Variants in B3GAT1 observed in about 807,000 individuals in gnomAD.
The protein encoded by B3GAT1 is galactosylgalactosylxylosylprotein 3-beta-glucuronosyltransferase 1.
In B3GAT1, 11 loss-of-function variants were observed where a neutral mutation model predicts 28.4. The ratio of observed to expected loss-of-function variants is 0.39; its 90% CI spans 0.24 to 0.64. B3GAT1 has a LOEUF of 0.64. B3GAT1 is among the 30% of genes least tolerant of loss of function. B3GAT1 has a pLI of 0.50. For synonymous variants in B3GAT1, 255 were observed against 223.1 expected (o/e 1.14, Z -1.27); for missense variants, 375 against 491.0 (o/e 0.76, Z 2.23).
chr11:134,410,812 CG>C, intron 1 of B3GAT1, among the ~76,000 whole-genome samples: 1 of 152,228 alleles, frequency 6.6e-6, no homozygotes, highest in Non-Finnish European at 1.5e-5. Context: ...CTAGGCCCTA[CG>C]ACATCCGTAC....
At position 134,387,750 on chromosome 11, in the gene B3GAT1, A is replaced by T; in HGVS notation, c.-91T>A. ...GCCACGGGCGGCGGCAGCACAGGGG[A>T]GAAAAGAACAGGCATGGGCCGGGCC... On this transcript the variant is annotated 5_prime_UTR_variant, in exon 2 of 6. Coordinates refer to ENST00000312527, the MANE Select transcript of B3GAT1 (RefSeq NM_054025.3). 6.4e-7 allele frequency: 1 copy of T among 1,573,532 alleles called. No individual in the cohort carries two copies. The highest frequency in any genetic ancestry group is 1.2e-5 in the South Asian group (1 of 86,660).
chr11:134,393,089 G>A lies in B3GAT1; in HGVS notation c.-281-5149C>T, dbSNP rs1282292107. Among the ~76,000 whole-genome samples, 2 of 152,192 alleles carry A rather than the reference G, an allele frequency of 1.3e-5. No homozygotes were observed. The highest frequency in any genetic ancestry group is 2.1e-4 in the South Asian group (1 of 4,826). On this transcript the variant is annotated intron_variant, in intron 1 of 5. Coordinates refer to ENST00000312527, the MANE Select transcript of B3GAT1 (RefSeq NM_054025.3). This position sits in a 1 kb window ranked among gnomAD's most constrained non-coding sequence, Gnocchi z 4.0. ...AAAATGTTCCCAAAGGCCTGCATGCGTGTGCGTGGTAGGTTACAAACAAGC... is the reference window on the plus strand; with the variant it reads ...AAAATGTTCCCAAAGGCCTGCATGCATGTGCGTGGTAGGTTACAAACAAGC...
At chr11:134,383,586 T>TG in intron 3 of B3GAT1, 94 bp downstream of exon 3, 2 of 1,416,404 alleles carry the variant, frequency 1.4e-6, no homozygotes, top group Non-Finnish European at 1.9e-6. Context: ...GGGTTCCCCC[T>TG]GCGCGCGCCT....
chr11:134,409,366 C>T, intron 1 of B3GAT1, among the ~76,000 whole-genome samples: 1 of 152,142 alleles, frequency 6.6e-6, no homozygotes, highest in South Asian at 2.1e-4. Context: ...TGCCAGGTTT[C>T]CCCAGACCCC....
At chr11:134,401,292 C>T (rs1375934150) in intron 1 of B3GAT1, among the ~76,000 whole-genome samples, 1 of 152,216 alleles carries the variant, frequency 6.6e-6, no homozygotes, top group Non-Finnish European at 1.5e-5. Context: ...ATGTTTATCG[C>T]AGCACTATTC....
chr11:134,409,194 A>T (rs1944801644), intron 1 of B3GAT1, among the ~76,000 whole-genome samples: 1 of 152,206 alleles, frequency 6.6e-6, no homozygotes, highest in Admixed American at 6.5e-5. Context: ...CTACTCGGCT[A>T]GCCACAGATG....
Position 134,387,949 on chromosome 11 carries a change from G to C in B3GAT1, c.-281-9C>G, listed in dbSNP as rs1944330765. On this transcript the variant is annotated splice_polypyrimidine_tract_variant and intron_variant, in intron 1 of 5. Coordinates refer to ENST00000312527, the MANE Select transcript of B3GAT1 (RefSeq NM_054025.3). ...CCCTGGGGGGTGGACACCTGCAAGAGAGAGCAGAAGCGGATAGCCAGAGAC... is the reference window on the plus strand; with the variant it reads ...CCCTGGGGGGTGGACACCTGCAAGACAGAGCAGAAGCGGATAGCCAGAGAC... 46 of 1,229,388 alleles carry C rather than the reference G, an allele frequency of 3.7e-5. No individual in the cohort carries two copies. In the South Asian group the frequency reaches 5.1e-4, roughly 14 times the overall value. The allele number at this position is 1,229,388 out of a possible 1,614,324, so 76.2% of individuals were successfully genotyped here.
intron 1 of B3GAT1, 152 bp from the exon 2 acceptor site, chr11:134,388,092 T>TA: frequency 8.0e-6 from 3 of 372,704 alleles, no homozygotes; most frequent in South Asian, 3.9e-5. Context: ...GTCTGCCTGT[T>TA]AGAGTGGAAT....
chr11:134,381,351 C>G (rs1003542967), intron 5 of B3GAT1, among the ~76,000 whole-genome samples: 1 of 152,228 alleles, frequency 6.6e-6, no homozygotes, highest in African/African-American at 2.4e-5. Context: ...ATGAACTGTT[C>G]TAGGTGCTCT....
In B3GAT1 at chr11:134,393,773, C is replaced by T. The variant is rs761433861; in HGVS notation, c.-281-5833G>A. 5.3e-5 allele frequency among the ~76,000 whole-genome samples: 8 copies of T among 152,250 alleles called. No individual in the cohort carries two copies. Among genetic ancestry groups the T allele is most frequent in the Non-Finnish European group, 1.2e-4 (8 of 68,008 alleles). ...AGAGGGAGCCCCAGGCATCACACGG[C>T]GCCGGTCAGTGTGCTGTGCGGACCG... is the stretch of plus-strand genomic sequence containing the variant. On this transcript the variant is annotated intron_variant, in intron 1 of 5. Transcript: ENST00000312527. The surrounding 1 kb of genome is among the most constrained non-coding windows in gnomAD (Gnocchi z 4.0).
chr11:134,401,844 G>A (rs866067427), intron 1 of B3GAT1, among the ~76,000 whole-genome samples: 8 of 152,216 alleles, frequency 5.3e-5, no homozygotes, highest in South Asian at 2.1e-4. Flanking sequence ...GCTCAGTGGC[G>A]ACCAGCCTTC....
chr11:134,386,909 G>A (rs1944301550), intron 2 of B3GAT1: 1 of 152,604 alleles, frequency 6.6e-6, no homozygotes, highest in Non-Finnish European at 1.5e-5. Context: ...AATTCCTAGT[G>A]ACAGTACACA....
At chr11:134,407,857 T>C (rs917547102) in intron 1 of B3GAT1, among the ~76,000 whole-genome samples, 1 of 152,090 alleles carries the variant, frequency 6.6e-6, no homozygotes, top group Non-Finnish European at 1.5e-5. Flanking sequence ...TCCAACACCG[T>C]AAGTGCTTGG....
rs767256702 is a variant in B3GAT1 at position 134,383,980 on chromosome 11, G to A, written c.321C>T (p.Asn107=). The A allele has an allele frequency of 2.4e-5, 39 of 1,602,852 alleles. No individual in the cohort carries two copies. In the East Asian group the frequency reaches 6.0e-4, roughly 25 times the overall value. The change falls in exon 3 of 6, where the codon AAC becomes AAT. Residue 107 remains asparagine, a synonymous_variant. Coordinates refer to ENST00000312527, the MANE Select transcript of B3GAT1 (RefSeq NM_054025.3). ...GGAGGTTGGGCACGTGCAGCAGCGT[G>A]TTGGCCATGCGCGTCAGCTCGGCCT... ...VQKAELTRMA[N]TLLHVPNLHW...
chr11:134,406,028 C>T (rs11223784), intron 1 of B3GAT1, among the ~76,000 whole-genome samples: 7,615 of 152,312 alleles, frequency 0.05, 200 homozygotes, highest in East Asian at 0.068. Flanking sequence ...CTGTCTTAGA[C>T]GAGGAAACTG....
intron 1 of B3GAT1, among the ~76,000 whole-genome samples, chr11:134,407,987 C>T (rs138156978): frequency 1.3e-4 from 20 of 151,840 alleles, no homozygotes; most frequent in African/African-American, 2.4e-4. Flanking sequence ...TTTTTTTAGA[C>T]GACCATTTGC....
chr11:134,403,979 TTCTTTATATATATATATA>T lies in B3GAT1; in HGVS notation c.-282+7810_-282+7827del, dbSNP rs1469587375. Among the ~76,000 whole-genome samples the T allele has an allele frequency of 5.8e-4, 56 of 96,980 alleles. 1 individual carries two copies. Among genetic ancestry groups the T allele is most frequent in the African/African-American group, 1.8e-3 (44 of 24,068 alleles). The allele number at this position is 96,980 out of a possible 152,430, so 63.6% of individuals were successfully genotyped here. A position where few individuals can be genotyped will look rare whatever the true frequency, so the allele number is the denominator to read the frequency against. ...GTCATTTAACGGGTACAGAGTTTCTTTCTTTATATATATATATATATATATATATATATATATATATAT... is the reference window on the plus strand; with the variant it reads ...GTCATTTAACGGGTACAGAGTTTCTTTATATATATATATATATATATATAT... On this transcript the variant is annotated intron_variant, in intron 1 of 5. Transcript: ENST00000312527.
chr11:134,411,973 G>C lies in B3GAT1; in HGVS notation c.-448C>G, dbSNP rs1192340011. ...GGGCCACTTCATAGCCGCGGGGTCC[G>C]CGCGCCCGCCCGCCCCGCCCGGCCC... is the stretch of plus-strand genomic sequence containing the variant. On this transcript the variant is annotated 5_prime_UTR_variant, in exon 1 of 6. Transcript: ENST00000312527. This position sits in a 1 kb window ranked among gnomAD's most constrained non-coding sequence, Gnocchi z 6.0. 2.1e-5 allele frequency: 3 copies of C among 139,622 alleles called. No homozygotes were observed. The highest frequency in any genetic ancestry group is 7.9e-5 in the African/African-American group (3 of 38,020). The allele number at this position is 139,622 out of a possible 1,614,324, so 8.6% of individuals were successfully genotyped here. A position where few individuals can be genotyped will look rare whatever the true frequency, so the allele number is the denominator to read the frequency against.
chr11:134,409,443 G>A lies in B3GAT1; in HGVS notation c.-282+2364C>T, dbSNP rs1435500315. 3.9e-5 allele frequency among the ~76,000 whole-genome samples: 6 copies of A among 152,286 alleles called. No individual in the cohort carries two copies. In the South Asian group the frequency reaches 1.0e-3, roughly 26 times the overall value. ...TGGGGCAGGGCCAGAAGATGGAGAG[G>A]AGCCCTCAGCATTGTGAGATGCTCA... is the stretch of plus-strand genomic sequence containing the variant. On this transcript the variant is annotated intron_variant, in intron 1 of 5. Coordinates refer to ENST00000312527, the MANE Select transcript of B3GAT1 (RefSeq NM_054025.3).
Sources: gnomAD v4.1 joint callset for allele counts (sites outside exome capture counted in the v4.1 genomes callset) on GRCh38, gnomAD v4.1.1 for gene constraint, Gnocchi (gnomAD v3.1) non-coding constraint, MANE v1.5 for transcripts, NCBI Gene and HGNC (gene_info 2026-07-23, HGNC 2026-07-21) for gene names.